Variants in KDM4C observed in about 807,000 individuals in gnomAD.
KDM4C encodes lysine-specific demethylase 4C.
Under a neutral mutation model 129.3 loss-of-function variants are expected in KDM4C, and 81 were observed. The ratio of observed to expected loss-of-function variants is 0.63; its 90% CI spans 0.52 to 0.75. The LOEUF (loss-of-function observed/expected upper bound fraction) is 0.75. Among genes scored for constraint, KDM4C ranks in the 30% least tolerant of loss-of-function variants. The probability of loss-of-function intolerance (pLI) is 0.00; values close to 1 mark genes in which losing one functional copy is unlikely to be tolerated. For missense variants in KDM4C, 1,457 were observed against 1,304.0 expected (o/e 1.12, Z -1.81); for synonymous variants, 573 against 456.1 (o/e 1.26, Z -3.26).
chr9:6,848,542 G>A (rs1031408416), intron 4 of KDM4C, among the ~76,000 whole-genome samples: 5 of 152,070 alleles, frequency 3.3e-5, no homozygotes, highest in East Asian at 1.9e-4. Flanking sequence ...GGTGGCCTAC[G>A]CCTGTAGGTC....
chr9:6,984,459 G>A, intron 10 of KDM4C, 55 bp downstream of exon 10: 1 of 1,156,992 alleles, frequency 8.6e-7, no homozygotes. Flanking sequence ...TTGATGATCA[G>A]ATGTCTTAAA....
chr9:7,019,348 G>A (rs1010472482), intron 15 of KDM4C, among the ~76,000 whole-genome samples: 1 of 152,002 alleles, frequency 6.6e-6, no homozygotes, highest in African/African-American at 2.4e-5. Context: ...TAAATAAAGG[G>A]CTCTAAAGGA....
At chr9:6,811,816 GCTCAC>G (rs1417594528) in intron 3 of KDM4C, among the ~76,000 whole-genome samples, 1 of 152,102 alleles carries the variant, frequency 6.6e-6, no homozygotes, top group African/African-American at 2.4e-5. Context: ...TGGCCCTGGA[GCTCAC>G]CTCTTAAGAA....
chr9:7,128,101 T>G lies in KDM4C; in HGVS notation c.2646T>G (p.Gly882=), dbSNP rs546771932. The part of the protein sequence containing the change: ...SKACEKVISV[G]QTVITKHRNT... Reference sequence around the variant, plus strand: ...CTTGCGAGAAGGTCATTTCCGTGGGTCAAACGGTCATCACGAAGCATCGGA... The same window carrying G: ...CTTGCGAGAAGGTCATTTCCGTGGGGCAAACGGTCATCACGAAGCATCGGA... The change falls in exon 19 of 22, where the codon GGT becomes GGG. Residue 882 remains glycine (G), a synonymous_variant. Transcript: ENST00000381309. The G allele has an allele frequency of 2.5e-6, 4 of 1,607,646 alleles. No individual in the cohort carries two copies. Among genetic ancestry groups the G allele is most frequent in the Non-Finnish European group, 3.4e-6 (4 of 1,177,476 alleles).
At chr9:7,106,687 T>C (rs1837728098) in intron 18 of KDM4C, among the ~76,000 whole-genome samples, 1 of 152,116 alleles carries the variant, frequency 6.6e-6, no homozygotes, top group Non-Finnish European at 1.5e-5. Flanking sequence ...TTTAAAATAG[T>C]TCTCATTATG....
At chr9:7,164,004 A>G (rs1222691056) in intron 19 of KDM4C, among the ~76,000 whole-genome samples, 1 of 152,206 alleles carries the variant, frequency 6.6e-6, no homozygotes, top group African/African-American at 2.4e-5. Context: ...CACAATTTCT[A>G]TTAGTAATAA....
chr9:6,849,812 T>G (rs1391700845), intron 5 of KDM4C, 112 bp downstream of exon 5: 1 of 857,974 alleles, frequency 1.2e-6, no homozygotes. Context: ...TTATGTGAGC[T>G]GTAAGGAAGT....
At chr9:6,757,112 A>G (rs1818351364), upstream of KDM4C, among the ~76,000 whole-genome samples, 2 of 152,204 alleles carry the variant, frequency 1.3e-5, no homozygotes, top group Admixed American at 1.3e-4. Context: ...CAGGGGCTTA[A>G]GGTCTGGTTG....
At chr9:6,874,822 G>C (rs77755991) in intron 5 of KDM4C, among the ~76,000 whole-genome samples, 11,635 of 152,008 alleles carry the variant, frequency 0.077, 652 homozygotes, top group East Asian at 0.16. Flanking sequence ...ACAGTGGCCT[G>C]TGGTGGCCTG....
intron 8 of KDM4C, among the ~76,000 whole-genome samples, chr9:6,967,353 G>A (rs1264396255): frequency 1.3e-5 from 2 of 151,582 alleles, no homozygotes; most frequent in African/African-American, 4.9e-5. Flanking sequence ...GAGCCCAGGA[G>A]GCGGAGGTTG....
intron 7 of KDM4C, among the ~76,000 whole-genome samples, chr9:6,892,191 G>T (rs550887596): frequency 1.3e-5 from 2 of 151,968 alleles, no homozygotes; most frequent in Non-Finnish European, 2.9e-5. Context: ...AGATATAAGG[G>T]GTCTATCCTA....
chr9:6,797,139 C>T (rs895077301), intron 2 of KDM4C, among the ~76,000 whole-genome samples: 1 of 151,952 alleles, frequency 6.6e-6, no homozygotes, highest in Non-Finnish European at 1.5e-5. Context: ...CTACCCACGC[C>T]TGGGTAATTT....
chr9:7,126,098 T>C (rs1294601939), intron 18 of KDM4C, among the ~76,000 whole-genome samples: 1 of 152,226 alleles, frequency 6.6e-6, no homozygotes, highest in Non-Finnish European at 1.5e-5. Flanking sequence ...TGCAGAGTAT[T>C]TCTGAGAGAA....
chr9:6,838,809 C>G (rs115764068), intron 4 of KDM4C, among the ~76,000 whole-genome samples: 1,579 of 152,244 alleles, frequency 0.01, 29 homozygotes, highest in African/African-American at 0.036. Flanking sequence ...TTATGATTAA[C>G]TATAAGCAAA....
intron 4 of KDM4C, chr9:6,835,001 C>G (rs1030147602): frequency 8.4e-6 from 8 of 952,632 alleles, no homozygotes; most frequent in African/African-American, 1.6e-5. Context: ...CCTGGCTGGC[C>G]GGGACCTGAC....
chr9:7,149,941 C>T (rs941806835), intron 19 of KDM4C, among the ~76,000 whole-genome samples: 1 of 152,200 alleles, frequency 6.6e-6, no homozygotes, highest in Non-Finnish European at 1.5e-5. Flanking sequence ...TTGGAGCTTT[C>T]AGGAGTTGAA....
intron 18 of KDM4C, among the ~76,000 whole-genome samples, chr9:7,125,574 AAC>A (rs1839947285): frequency 6.6e-6 from 1 of 152,246 alleles, no homozygotes; most frequent in South Asian, 2.1e-4. Flanking sequence ...AGATAAGCAT[AAC>A]ACTCTGTACA....
At chr9:6,817,858 C>G (rs1832412603) in intron 4 of KDM4C, among the ~76,000 whole-genome samples, 1 of 149,818 alleles carries the variant, frequency 6.7e-6, no homozygotes, top group Non-Finnish European at 1.5e-5. Flanking sequence ...CCTGTGACTC[C>G]TTGGTTTAAG....
At chr9:6,957,122 A>T (rs554740566) in intron 8 of KDM4C, among the ~76,000 whole-genome samples, 13 of 152,296 alleles carry the variant, frequency 8.5e-5, no homozygotes, top group Non-Finnish European at 2.9e-5. Context: ...AAGCTGCATT[A>T]TCTAGAGGTA....
Sources: gnomAD v4.1 joint callset for allele counts (sites outside exome capture counted in the v4.1 genomes callset) on GRCh38, gnomAD v4.1.1 for gene constraint, MANE v1.5 for transcripts, NCBI Gene and HGNC (gene_info 2026-07-23, HGNC 2026-07-21) for gene names.